ZNF850: variants seen among roughly 807,000 people sequenced by gnomAD.
The protein encoded by ZNF850 is putative zinc finger protein ENSP00000330994.
ZNF850 carries 2 observed loss-of-function variants against 11.9 expected under a neutral mutation model. The ratio of observed to expected loss-of-function variants is 0.17; its 90% CI spans 0.07 to 0.53. The LOEUF (loss-of-function observed/expected upper bound fraction) is 0.53, where lower values mean the gene tolerates loss of function less well. Among genes scored for constraint, ZNF850 ranks in the 20% least tolerant of loss-of-function variants. The pLI, the probability that ZNF850 is intolerant of heterozygous loss-of-function variation, is 0.94. For synonymous variants in ZNF850, 381 were observed against 443.0 expected, an observed-to-expected ratio of 0.86 and a Z score of 1.76; for missense variants, 1,014 against 1,316.4, an observed-to-expected ratio of 0.77 and a Z score of 3.55.
chr19:36,750,460 C>T lies in ZNF850; in HGVS notation c.580G>A (p.Glu194Lys), dbSNP rs536192429. 3.6e-4 allele frequency: 559 copies of T among 1,536,346 alleles called. 1 individual carries two copies. The highest frequency in any genetic ancestry group is 4.6e-4 in the Non-Finnish European group (525 of 1,146,970). The change falls in exon 5 of 5, where the codon GAA (glutamate) becomes AAA (lysine). Residue 194 changes from glutamate (E) to lysine (K), a missense_variant. Physicochemically the swap from Glu to Lys is moderately conservative, Grantham distance 56 (BLOSUM62 1). Transcript: ENST00000591344. ...LTQQQETHTG[E>K]KLYKCKECGK... ...CACTCCTTACATTTATAGAGTTTTT[C>T]ACCAGTATGGGTTTCTTGCTGTTGT... is the stretch of plus-strand genomic sequence containing the variant.
At chr19:36,761,530 TA>T (rs2040518106) in intron 4 of ZNF850, 112 bp downstream of exon 4, 2 of 539,244 alleles carry the variant, frequency 3.7e-6, no homozygotes, top group Non-Finnish European at 6.5e-6. Context: ...CCACCACCCT[TA>T]CATGGGACCT....
chr19:36,749,621 AC>A lies in ZNF850; in HGVS notation c.1418del (p.Gly473ValfsTer76). 6.4e-7 allele frequency: 1 copy of A among 1,552,338 alleles called. No homozygotes were observed. The highest frequency in any genetic ancestry group is 1.2e-5 in the South Asian group (1 of 84,854). ...ALLQHQRIHT[G>X]EKPYCCKECG... Reference sequence around the variant, plus strand: ...ATTCCTTACAACAATAGGGTTTCTCACCAGTGTGAATCCGCTGATGTTGAAG... The same window carrying A: ...ATTCCTTACAACAATAGGGTTTCTCACAGTGTGAATCCGCTGATGTTGAAG... On this transcript the variant is annotated frameshift_variant, in exon 5 of 5. Coordinates refer to ENST00000591344, the MANE Select transcript of ZNF850 (RefSeq NM_001193552.2). LOFTEE classifies it low-confidence loss of function (END_TRUNC).
At position 36,744,340 on chromosome 19, in the gene ZNF850, A is replaced by C. The variant is rs2040399007; in HGVS notation, c.*3427T>G. 6.6e-6 allele frequency: 1 copy of C among 152,200 alleles called. No individual in the cohort carries two copies. The highest frequency in any genetic ancestry group is 1.5e-5 in the Non-Finnish European group (1 of 68,046). 9.4% of individuals were successfully genotyped at this position (152,200 alleles called of 1,614,324 possible). On this transcript the variant is annotated 3_prime_UTR_variant, in exon 5 of 5. Coordinates refer to ENST00000591344, the MANE Select transcript of ZNF850 (RefSeq NM_001193552.2). ...AAAAGTGAAAAGTAAAAACGTTAAG[A>C]GTATTGGCTGAACACAGTGGCTCAC...
At position 36,744,214 on chromosome 19, in the gene ZNF850, T is replaced by C. The variant is rs2040398226; in HGVS notation, c.*3553A>G. On this transcript the variant is annotated 3_prime_UTR_variant, in exon 5 of 5. Transcript: ENST00000591344. ...AAAAGGATTTACCCCAAATAGATCA[T>C]CTTTGGTCAATAAGAATATACAGGT... 1 of 151,712 alleles carries C rather than the reference T, an allele frequency of 6.6e-6. No individual in the cohort carries two copies. Among genetic ancestry groups the C allele is most frequent in the Non-Finnish European group, 1.5e-5 (1 of 67,948 alleles). The allele number at this position is 151,712 out of a possible 1,614,324, so 9.4% of individuals were successfully genotyped here.
intron 4 of ZNF850, among the ~76,000 whole-genome samples, chr19:36,756,687 C>A (rs1486987185): frequency 6.6e-6 from 1 of 152,120 alleles, no homozygotes; most frequent in African/African-American, 2.4e-5. Flanking sequence ...GATCTTGGCT[C>A]ACTGCAACCT....
At chr19:36,769,754 G>C (rs2145971319) in intron 1 of ZNF850, among the ~76,000 whole-genome samples, 1 of 152,262 alleles carries the variant, frequency 6.6e-6, no homozygotes, top group South Asian at 2.1e-4. Context: ...GAAGACTTCT[G>C]TGGCCTCAAA....
intron 4 of ZNF850, among the ~76,000 whole-genome samples, chr19:36,759,722 T>C (rs2040507046): frequency 6.6e-6 from 1 of 151,968 alleles, no homozygotes; most frequent in Non-Finnish European, 1.5e-5. Context: ...AGTTAATAAT[T>C]AAAAAAAAAT....
At chr19:36,751,698 CAAAAAAA>C (rs398038336) in intron 4 of ZNF850, among the ~76,000 whole-genome samples, 3 of 15,772 alleles carry the variant, frequency 1.9e-4, no homozygotes, top group African/African-American at 5.2e-4. Flanking sequence ...GACTCCATCT[CAAAAAAA>C]AAAAAAAAAA....
chr19:36,769,884 T>TAAGG (rs1403426514), intron 1 of ZNF850, among the ~76,000 whole-genome samples: 1 of 152,202 alleles, frequency 6.6e-6, no homozygotes, highest in Non-Finnish European at 1.5e-5. Context: ...TCCCACAGGC[T>TAAGG]AAGGGCTCAG....
rs1012628204 is a variant in ZNF850 at position 36,743,622 on chromosome 19, A to G, written c.*4145T>C. On this transcript the variant is annotated 3_prime_UTR_variant, in exon 5 of 5. Coordinates refer to ENST00000591344, the MANE Select transcript of ZNF850 (RefSeq NM_001193552.2). ...GACAAAAACCAACAGTTTAGTACAT[A>G]GTAATAGTAATCAATTACACAACAG... is the stretch of plus-strand genomic sequence containing the variant. 1 of 57,968 alleles carries G rather than the reference A, an allele frequency of 1.7e-5. No individual in the cohort carries two copies. Among genetic ancestry groups the G allele is most frequent in the Non-Finnish European group, 4.5e-5 (1 of 22,124 alleles). The allele number at this position is 57,968 out of a possible 1,614,324, so 3.6% of individuals were successfully genotyped here. A position where few individuals can be genotyped will look rare whatever the true frequency, so the allele number is the denominator to read the frequency against.
rs1328892305 is a variant in ZNF850, at chr19:36,758,629, G to A, written c.235+3014C>T. Among the ~76,000 whole-genome samples the A allele has an allele frequency of 4.6e-5, 7 of 152,206 alleles. No homozygotes were observed. The East Asian group carries it at 1.4e-3, about 29-fold the overall frequency. On this transcript the variant is annotated intron_variant, in intron 4 of 4. Transcript: ENST00000591344. ...GTGATCCACCCATCTCTGATTAAATGCTCTCATCTAAAATCATATGGTTGT... is the reference window on the plus strand; with the variant it reads ...GTGATCCACCCATCTCTGATTAAATACTCTCATCTAAAATCATATGGTTGT...
chr19:36,762,747 A>G (rs1031938359), intron 1 of ZNF850, 72 bp from the exon 2 acceptor site: 2 of 843,676 alleles, frequency 2.4e-6, no homozygotes, highest in African/African-American at 3.4e-5. Flanking sequence ...GCACACAGCA[A>G]GCTGTAGGCC....
Position 36,750,075 on chromosome 19 carries a change from G to A in ZNF850, c.965C>T (p.Ser322Leu), listed in dbSNP as rs1460615538. ...KQCGKSFTVG[S>L]TLIRHQQIHT... ...AATTTGCTGGTGTCGAATTAGTGTT[G>A]AGCCAACAGTAAAAGATTTTCCACA... is the stretch of plus-strand genomic sequence containing the variant. The change falls in exon 5 of 5, where the codon TCA becomes TTA. Residue 322 changes from serine to leucine, a missense_variant. Around this residue, in one of 2 missense-constraint regions of ZNF850, gnomAD observed 835 missense variants for 1,022.0 expected, o/e 0.82. Coordinates refer to ENST00000591344, the MANE Select transcript of ZNF850 (RefSeq NM_001193552.2). The A allele has an allele frequency of 1.3e-6, 2 of 1,539,192 alleles. No homozygotes were observed. The highest frequency in any genetic ancestry group is 1.7e-6 in the Non-Finnish European group (2 of 1,147,048).
At chr19:36,770,601 G>A (rs2040575016) in intron 1 of ZNF850, among the ~76,000 whole-genome samples, 1 of 151,314 alleles carries the variant, frequency 6.6e-6, no homozygotes, top group Non-Finnish European at 1.5e-5. Flanking sequence ...AGCTACTCGG[G>A]AGGCTGCGGC....
intron 1 of ZNF850, among the ~76,000 whole-genome samples, chr19:36,769,050 CAGG>C (rs2040565001): frequency 6.6e-6 from 1 of 151,436 alleles, no homozygotes; most frequent in African/African-American, 2.4e-5. Flanking sequence ...CACTTGAGAT[CAGG>C]AGTTCATGAC....
chr19:36,753,522 A>G (rs2040467339), intron 4 of ZNF850, among the ~76,000 whole-genome samples: 1 of 149,938 alleles, frequency 6.7e-6, no homozygotes, highest in East Asian at 2.0e-4. Context: ...GAGCCCGGAA[A>G]GTCAATGCTG....
intron 1 of ZNF850, among the ~76,000 whole-genome samples, chr19:36,767,460 G>C (rs2040555597): frequency 6.6e-6 from 1 of 152,124 alleles, no homozygotes; most frequent in Non-Finnish European, 1.5e-5. Context: ...GGGAGGCTGA[G>C]GCAGGAGAAT....
chr19:36,749,158 G>A lies in ZNF850; in HGVS notation c.1882C>T (p.Leu628Phe). Residue 628 changes from leucine to phenylalanine, a missense_variant, in exon 5 of 5, where the codon CTT (leucine) becomes TTT (phenylalanine). Leu to Phe is a conservative substitution (Grantham distance 22). Coordinates refer to ENST00000591344, the MANE Select transcript of ZNF850 (RefSeq NM_001193552.2). ...DCKECGKAFRLRLRLTQHQQI... is the reference protein window; with the variant it reads ...DCKECGKAFRFRLRLTQHQQI... The stretch of plus-strand genomic sequence containing the variant: ...TGATGTTGAGTAAGTCGTAAACGAA[G>A]TCTAAAGGCCTTCCCACATTCCTTA... 6.2e-7 allele frequency: 1 copy of A among 1,602,572 alleles called. No individual in the cohort carries two copies. The highest frequency in any genetic ancestry group is 8.5e-7 in the Non-Finnish European group (1 of 1,176,534).
At chr19:36,756,587 C>A (rs774990973) in intron 4 of ZNF850, among the ~76,000 whole-genome samples, 1 of 152,110 alleles carries the variant, frequency 6.6e-6, no homozygotes. Context: ...TGCATAATAT[C>A]CCATTATGTG....
Sources: allele counts gnomAD v4.1 joint callset (sites outside exome capture counted in the v4.1 genomes callset), GRCh38; gene constraint gnomAD v4.1.1; regional missense constraint gnomAD v4.1.1; transcripts MANE v1.5; gene names NCBI Gene and HGNC (gene_info 2026-07-23, HGNC 2026-07-21).